Variants in ERC2 observed in about 807,000 individuals in gnomAD.
ERC2 encodes the protein ELKS/RAB6-interacting/CAST family member 2.
Under a neutral mutation model 114.8 loss-of-function variants are expected in ERC2, and 42 were observed. That is an observed-to-expected ratio of 0.37 (90% CI 0.29 to 0.47). The LOEUF (loss-of-function observed/expected upper bound fraction) is 0.47. Ranked by LOEUF, ERC2 falls within the 20% of genes least tolerant of loss-of-function variation. ERC2 has a pLI of 0.99. For missense variants in ERC2, 939 were observed against 1,150.7 expected, an observed-to-expected ratio of 0.82 and a Z score of 2.66; for synonymous variants, 454 against 425.5, an observed-to-expected ratio of 1.07 and a Z score of -0.82.
At chr3:56,212,324 T>C (rs753264342) in intron 3 of ERC2, among the ~76,000 whole-genome samples, 1 of 152,122 alleles carries the variant, frequency 6.6e-6, no homozygotes, top group African/African-American at 2.4e-5. Context: ...AAAGAAGGTA[T>C]ACAAATGGCC....
At chr3:56,026,057 C>CTTTTTTTTT (rs59635680) in intron 7 of ERC2, among the ~76,000 whole-genome samples, 423 of 69,046 alleles carry the variant, frequency 6.1e-3, no homozygotes, top group Middle Eastern at 0.012. Context: ...CCGTTTCTTT[C>CTTTTTTTTT]TTTTTTTTTT....
intron 3 of ERC2, among the ~76,000 whole-genome samples, chr3:56,215,197 C>A (rs1015979519): frequency 6.6e-5 from 10 of 152,098 alleles, no homozygotes; most frequent in Non-Finnish European, 1.2e-4. Flanking sequence ...CACAGACTGG[C>A]AAATTGGATA....
At chr3:56,094,221 G>C (rs571542935) in intron 6 of ERC2, among the ~76,000 whole-genome samples, 1 of 152,278 alleles carries the variant, frequency 6.6e-6, no homozygotes, top group East Asian at 1.9e-4. Context: ...GGCAAAATGG[G>C]AACACACTGC....
At chr3:56,277,174 T>C (rs41521744) in intron 3 of ERC2, among the ~76,000 whole-genome samples, 53,160 of 152,102 alleles carry the variant, frequency 0.35, 10,166 homozygotes, top group Middle Eastern at 0.44. Flanking sequence ...TCGCCCTTGA[T>C]GGCCCTGTTT....
intron 17 of ERC2, among the ~76,000 whole-genome samples, chr3:55,674,112 C>T (rs1442492965): frequency 6.6e-6 from 1 of 152,138 alleles, no homozygotes; most frequent in East Asian, 1.9e-4. Context: ...CCTGACCTCC[C>T]GACTGCCCGA....
rs929224170 is a variant in ERC2 at position 56,148,971 on chromosome 3, C to T, written c.1305+6G>A. The T allele has an allele frequency of 1.4e-5, 22 of 1,612,702 alleles. No individual in the cohort carries two copies. Among genetic ancestry groups the T allele is most frequent in the Non-Finnish European group, 1.9e-5 (22 of 1,179,238 alleles). On this transcript the variant is annotated splice_donor_region_variant and intron_variant, in intron 5 of 17. Transcript: ENST00000288221. ...GAACATAAAAGTTTATAACCCTGGACCGTACCTTGGTCTTCATAAACTTGG... is the reference window on the plus strand; with the variant it reads ...GAACATAAAAGTTTATAACCCTGGATCGTACCTTGGTCTTCATAAACTTGG...
intron 15 of ERC2, among the ~76,000 whole-genome samples, chr3:55,705,717 T>C (rs1054166808): frequency 7.2e-5 from 11 of 152,220 alleles, no homozygotes; most frequent in African/African-American, 2.4e-4. Context: ...CCCTCCTCTA[T>C]AGCAGAACAG....
intron 6 of ERC2, among the ~76,000 whole-genome samples, chr3:56,100,131 CTAACAT>C (rs748297665): frequency 6.6e-6 from 1 of 152,212 alleles, no homozygotes; most frequent in Non-Finnish European, 1.5e-5. Flanking sequence ...CTATTTCACT[CTAACAT>C]TGTCTTTTTT....
chr3:55,845,892 A>G (rs1018824508), intron 14 of ERC2, among the ~76,000 whole-genome samples: 1 of 152,256 alleles, frequency 6.6e-6, no homozygotes, highest in African/African-American at 2.4e-5. Context: ...ACACAAATAT[A>G]TTAGCAAACA....
chr3:55,756,596 C>G (rs1287574261), intron 14 of ERC2, among the ~76,000 whole-genome samples: 1 of 152,184 alleles, frequency 6.6e-6, no homozygotes, highest in Non-Finnish European at 1.5e-5. Flanking sequence ...CTGTTTGACT[C>G]TAATGTGTCT....
chr3:55,938,881 A>AT (rs1444058408), intron 13 of ERC2, among the ~76,000 whole-genome samples: 1 of 152,208 alleles, frequency 6.6e-6, no homozygotes, highest in Non-Finnish European at 1.5e-5. Context: ...ATACTTAAAA[A>AT]TTTCAATTTT....
At chr3:55,622,417 T>TGATGACAATTTGATTGAATTTGACCAAA (rs2059366195) in intron 17 of ERC2, among the ~76,000 whole-genome samples, 5 of 152,098 alleles carry the variant, frequency 3.3e-5, no homozygotes, top group Non-Finnish European at 7.3e-5. Flanking sequence ...GTGTTTCTAA[T>TGATGACAATTTGATTGAATTTGACCAAA]GATGACAATT....
At chr3:56,198,244 C>T (rs2048219458) in intron 3 of ERC2, among the ~76,000 whole-genome samples, 1 of 152,196 alleles carries the variant, frequency 6.6e-6, no homozygotes, top group African/African-American at 2.4e-5. Flanking sequence ...CAGCTCCTTG[C>T]CCTAGAAATT....
At chr3:55,853,039 C>A (rs753375752) in intron 14 of ERC2, among the ~76,000 whole-genome samples, 9 of 152,112 alleles carry the variant, frequency 5.9e-5, no homozygotes, top group Non-Finnish European at 1.0e-4. Flanking sequence ...GTTTTAACAA[C>A]GAAAAATGTC....
At chr3:55,745,338 T>A (rs1225968642) in intron 14 of ERC2, among the ~76,000 whole-genome samples, 14 of 152,236 alleles carry the variant, frequency 9.2e-5, no homozygotes, top group Admixed American at 8.5e-4. Context: ...TGGAAATGTG[T>A]TCTGAAAGGC....
chr3:55,578,008 A>G (rs1408498068), intron 17 of ERC2, among the ~76,000 whole-genome samples: 2 of 152,186 alleles, frequency 1.3e-5, no homozygotes, highest in Non-Finnish European at 2.9e-5. Flanking sequence ...GCTCACCAAT[A>G]CATGGGAAAC....
chr3:55,592,419 A>G (rs1324586282), intron 17 of ERC2, among the ~76,000 whole-genome samples: 1 of 151,756 alleles, frequency 6.6e-6, no homozygotes. Flanking sequence ...CTGGGAAGGT[A>G]TTTTTCTTTC....
chr3:55,754,636 A>G lies in ERC2; in HGVS notation c.2565-19718T>C, dbSNP rs548443169. On this transcript the variant is annotated intron_variant, in intron 14 of 17. Coordinates refer to ENST00000288221, the MANE Select transcript of ERC2 (RefSeq NM_015576.3). ...AAAAAATTTAAATCTCACAAGAGTA[A>G]TAGAAAAATATCAATGAACTGCTAT... is the stretch of plus-strand genomic sequence containing the variant. Among the ~76,000 whole-genome samples the G allele has an allele frequency of 2.6e-5, 4 of 151,012 alleles. No homozygotes were observed. The South Asian group carries it at 8.6e-4, about 32-fold the overall frequency.
chr3:56,305,967 G>A (rs566375124), intron 2 of ERC2, among the ~76,000 whole-genome samples: 1 of 151,894 alleles, frequency 6.6e-6, no homozygotes, highest in South Asian at 2.1e-4. Context: ...CTCATGCCTC[G>A]GCCTCCCACG....
Sources: gnomAD v4.1 joint callset for allele counts (sites outside exome capture counted in the v4.1 genomes callset) on GRCh38, gnomAD v4.1.1 for gene constraint, MANE v1.5 for transcripts, NCBI Gene and HGNC (gene_info 2026-07-23, HGNC 2026-07-21) for gene names.